The following MGA variants were observed in gnomAD, a reference collection of about 807,000 sequenced individuals.
MGA encodes MAX gene-associated protein.
A neutral mutation model predicts 261.1 loss-of-function variants in MGA; 40 were observed. That is an observed-to-expected ratio of 0.15 (90% CI 0.12 to 0.20). MGA has a LOEUF of 0.20. Ranked by LOEUF, MGA falls within the 10% of genes least tolerant of loss-of-function variation. The probability of loss-of-function intolerance (pLI) is 1.00; values close to 1 mark genes in which losing one functional copy is unlikely to be tolerated. For missense variants in MGA, 3,397 were observed against 3,630.5 expected, an observed-to-expected ratio of 0.94 and a Z score of 1.65; for synonymous variants, 1,302 against 1,290.6, an observed-to-expected ratio of 1.01 and a Z score of -0.19.
At chr15:41,699,037 T>G in intron 4 of MGA, 27 bp from the exon 5 acceptor site, 1 of 1,589,744 alleles carries the variant, frequency 6.3e-7, no homozygotes, top group Middle Eastern at 1.7e-4. Context: ...CAGTAGCTTA[T>G]TTTATTACTA....
At chr15:41,662,953 G>A (rs1371601209) in intron 1 of MGA, among the ~76,000 whole-genome samples, 1 of 152,120 alleles carries the variant, frequency 6.6e-6, no homozygotes, top group South Asian at 2.1e-4. Context: ...TTAAATAATG[G>A]TATTGACTTG....
chr15:41,648,786 TAAATG>T (rs1018313236), intron 1 of MGA, among the ~76,000 whole-genome samples: 1 of 152,152 alleles, frequency 6.6e-6, no homozygotes, highest in Non-Finnish European at 1.5e-5. Flanking sequence ...AGATTTATTC[TAAATG>T]AAATGGGAAG....
rs559094422 is a variant in MGA at position 41,682,469 on chromosome 15, G to A, written c.1064+12511G>A. The stretch of plus-strand genomic sequence containing the variant: ...ACTTTACATTTGCTATTTTCATATA[G>A]GTTCTTTTTATTTATTTATTTATTT... On this transcript the variant is annotated intron_variant, in intron 2 of 23. Coordinates refer to ENST00000219905, the MANE Select transcript of MGA (RefSeq NM_001164273.2). Among the ~76,000 whole-genome samples, 68 of 151,876 alleles carry A rather than the reference G, an allele frequency of 4.5e-4. No individual in the cohort carries two copies. In the South Asian group the frequency reaches 0.013, roughly 30 times the overall value.
chr15:41,657,339 C>CTT (rs373920516), upstream of MGA, among the ~76,000 whole-genome samples: 44 of 106,896 alleles, frequency 4.1e-4, 2 homozygotes, highest in African/African-American at 1.5e-3. Flanking sequence ...AGTGAAGGCC[C>CTT]TTTTTTTTTT....
chr15:41,757,948 A>G (rs867909307), intron 19 of MGA, 109 bp downstream of exon 19: 24 of 857,716 alleles, frequency 2.8e-5, no homozygotes, highest in Middle Eastern at 3.5e-4. Flanking sequence ...TCTCAGGGCT[A>G]TTTTTGCCAG....
At chr15:41,757,654 A>G in intron 18 of MGA, 134 bp from the exon 19 acceptor site, 1 of 548,572 alleles carries the variant, frequency 1.8e-6, no homozygotes, top group East Asian at 2.8e-5. Context: ...AATGTCAAGT[A>G]AATAATGTGG....
chr15:41,658,090 G>C (rs1476260618), upstream of MGA, among the ~76,000 whole-genome samples: 2 of 152,176 alleles, frequency 1.3e-5, no homozygotes, highest in African/African-American at 4.8e-5. Flanking sequence ...GAACAATCTA[G>C]GATCAAAACT....
intron 1 of MGA, among the ~76,000 whole-genome samples, chr15:41,639,739 G>A (rs2056784628): frequency 6.6e-6 from 1 of 151,752 alleles, no homozygotes; most frequent in African/African-American, 2.4e-5. Context: ...TAGTAGAGAC[G>A]GGGTTTCACC....
chr15:41,697,461 G>A lies in MGA; in HGVS notation c.2013+438G>A, dbSNP rs544622408. 2.1e-4 allele frequency among the ~76,000 whole-genome samples: 30 copies of A among 143,594 alleles called. No individual in the cohort carries two copies. The Admixed American group carries it at 2.1e-3, about 10-fold the overall frequency. The allele number at this position is 143,594 out of a possible 152,430, so 94.2% of individuals were successfully genotyped here. ...AGACAGAGTCTTGCTCTGTTGCCCA[G>A]GCTGGAGTTCAGTGGCACGATCTCA... On this transcript the variant is annotated intron_variant, in intron 3 of 23. Transcript: ENST00000219905.
At chr15:41,708,518 C>G (rs1172842249) in intron 7 of MGA, among the ~76,000 whole-genome samples, 1 of 152,214 alleles carries the variant, frequency 6.6e-6, no homozygotes, top group Non-Finnish European at 1.5e-5. Flanking sequence ...AGGGCTTCAC[C>G]ATGTTGGCCA....
chr15:41,629,752 A>G (rs1023705358), intron 1 of MGA, among the ~76,000 whole-genome samples: 1 of 152,094 alleles, frequency 6.6e-6, no homozygotes, highest in Non-Finnish European at 1.5e-5. Context: ...TGAAAACAAA[A>G]ACATGTAACT....
intron 5 of MGA, among the ~76,000 whole-genome samples, chr15:41,706,095 G>T (rs977102228): frequency 6.6e-6 from 1 of 151,938 alleles, no homozygotes; most frequent in African/African-American, 2.4e-5. Context: ...AAATTAGCCG[G>T]GCCTGGTGGC....
At chr15:41,655,924 T>TA (rs2057158644), upstream of MGA, among the ~76,000 whole-genome samples, 1 of 152,256 alleles carries the variant, frequency 6.6e-6, no homozygotes, top group African/African-American at 2.4e-5. Flanking sequence ...CAGTATTTGA[T>TA]ATTGAGACTT....
Position 41,767,315 on chromosome 15 carries a change from G to A in MGA, c.*35G>A, listed in dbSNP as rs763993321. ...TCCTTAAGCAGAAGCCAGGCTGTGA[G>A]GGGAAATAGATCTCACCTCCTTTCT... On this transcript the variant is annotated 3_prime_UTR_variant, in exon 24 of 24. Transcript: ENST00000219905. 3.8e-6 allele frequency: 6 copies of A among 1,564,506 alleles called. No homozygotes were observed. In the South Asian group the frequency reaches 7.2e-5, roughly 19 times the overall value.
chr15:41,667,299 T>C (rs1389086261), intron 1 of MGA, among the ~76,000 whole-genome samples: 2 of 152,104 alleles, frequency 1.3e-5, no homozygotes, highest in Non-Finnish European at 2.9e-5. Flanking sequence ...CAGGCTGAAG[T>C]GCAGTGGTGC....
At chr15:41,726,268 T>C (rs963225949) in intron 9 of MGA, among the ~76,000 whole-genome samples, 2 of 152,214 alleles carry the variant, frequency 1.3e-5, no homozygotes, top group Admixed American at 1.3e-4. Context: ...TGGACATCCC[T>C]GCACCTCAGC....
In MGA at chr15:41,625,695, CAG is replaced by C. The variant is rs558675467; in HGVS notation, c.-68+4400_-68+4401del. On this transcript the variant is annotated intron_variant, in intron 1 of 8. Transcript: ENST00000566718. ...TGCCACTGCACTCCAGCCTGGGCGA[CAG>C]AGTGTGTGTCCCAAAAAATAAATAA... is the stretch of plus-strand genomic sequence containing the variant. 1.4e-3 allele frequency among the ~76,000 whole-genome samples: 216 copies of C among 152,152 alleles called. 1 individual carries two copies. Among genetic ancestry groups the C allele is most frequent in the African/African-American group, 4.6e-3 (192 of 41,520 alleles).
At chr15:41,622,298 T>A (rs1392165311) in intron 1 of MGA, among the ~76,000 whole-genome samples, 2 of 152,074 alleles carry the variant, frequency 1.3e-5, no homozygotes, top group East Asian at 1.9e-4. Context: ...AGATCACCTT[T>A]TAAGGTCCCT....
intron 9 of MGA, among the ~76,000 whole-genome samples, chr15:41,722,232 C>T (rs182187457): frequency 0.014 from 2,077 of 149,350 alleles, 40 homozygotes; most frequent in South Asian, 0.069. Context: ...CGGGTTCACA[C>T]CATTCTCCTG....
Sources: allele counts gnomAD v4.1 joint callset (sites outside exome capture counted in the v4.1 genomes callset), GRCh38; gene constraint gnomAD v4.1.1; transcripts MANE v1.5; gene names NCBI Gene and HGNC (gene_info 2026-07-23, HGNC 2026-07-21).